UGGT1: variants seen among roughly 807,000 people sequenced by gnomAD.
UGGT1 encodes UDP-glucose glycoprotein glucosyltransferase 1.
Under a neutral mutation model 203.9 loss-of-function variants are expected in UGGT1, and 107 were observed. The ratio of observed to expected loss-of-function variants is 0.52; its 90% confidence interval spans 0.45 to 0.62. The LOEUF (loss-of-function observed/expected upper bound fraction) is 0.62. Among genes scored for constraint, UGGT1 ranks in the 20% least tolerant of loss-of-function variants. The probability of loss-of-function intolerance (pLI) is 0.00; values close to 1 mark genes in which losing one functional copy is unlikely to be tolerated. For synonymous variants in UGGT1, 628 were observed against 653.5 expected (o/e 0.96, Z 0.59); for missense variants, 1,673 against 1,867.2 (o/e 0.90, Z 1.92).
intron 1 of UGGT1, among the ~76,000 whole-genome samples, chr2:128,094,856 C>G (rs1354080019): frequency 1.3e-5 from 2 of 149,642 alleles, no homozygotes; most frequent in East Asian, 4.0e-4. Context: ...TCAAGCGATT[C>G]TCCTGCCTCA....
chr2:128,117,896 C>T (rs1688194141), intron 8 of UGGT1, among the ~76,000 whole-genome samples: 1 of 151,688 alleles, frequency 6.6e-6, no homozygotes, highest in Admixed American at 6.6e-5. Flanking sequence ...TTATTTCCCT[C>T]ATGGCTTGAT....
chr2:128,150,352 CTTGAGGATTGA>C (rs1402103245), intron 18 of UGGT1, among the ~76,000 whole-genome samples: 2 of 152,156 alleles, frequency 1.3e-5, no homozygotes, highest in Non-Finnish European at 2.9e-5. Flanking sequence ...AGGAGGGTTG[CTTGAGGATTGA>C]GGCTGTAGTG....
intron 35 of UGGT1, 86 bp from the exon 36 acceptor site, chr2:128,180,804 C>T (rs773804109): frequency 4.9e-5 from 67 of 1,354,178 alleles, no homozygotes; most frequent in African/African-American, 2.9e-5. Context: ...TTATTTGTCC[C>T]GTATCATGGT....
At chr2:128,168,724 A>G (rs530001864) in intron 26 of UGGT1, among the ~76,000 whole-genome samples, 2 of 152,308 alleles carry the variant, frequency 1.3e-5, no homozygotes, top group South Asian at 2.1e-4. Context: ...CAGGGAGTCC[A>G]TGCAACAGGA....
intron 38 of UGGT1, among the ~76,000 whole-genome samples, chr2:128,186,284 G>A (rs1691978844): frequency 6.6e-6 from 1 of 152,206 alleles, no homozygotes; most frequent in South Asian, 2.1e-4. Flanking sequence ...ACGAGCAGCT[G>A]TACATCACTG....
At chr2:128,126,485 A>T (rs901525727) in intron 11 of UGGT1, among the ~76,000 whole-genome samples, 1 of 151,264 alleles carries the variant, frequency 6.6e-6, no homozygotes, top group Non-Finnish European at 1.5e-5. Flanking sequence ...CAGGTAATCC[A>T]CCCGCCTCGG....
At chr2:128,111,502 T>A (rs1687847421) in intron 5 of UGGT1, among the ~76,000 whole-genome samples, 1 of 152,098 alleles carries the variant, frequency 6.6e-6, no homozygotes, top group South Asian at 2.1e-4. Context: ...TTTATTTATT[T>A]ATTTATTATT....
At chr2:128,094,445 T>G (rs557152244) in intron 1 of UGGT1, among the ~76,000 whole-genome samples, 1 of 152,310 alleles carries the variant, frequency 6.6e-6, no homozygotes, top group East Asian at 1.9e-4. Context: ...ACTTGGCACT[T>G]TACAAAGTGA....
intron 13 of UGGT1, among the ~76,000 whole-genome samples, chr2:128,131,233 CAAAAAA>C (rs59665322): frequency 2.3e-4 from 18 of 78,544 alleles, no homozygotes; most frequent in Middle Eastern, 7.5e-3. Context: ...ACTCTTGTCT[CAAAAAA>C]AAAAAAAAAA....
chr2:128,100,848 T>C (rs1687346962), intron 2 of UGGT1, among the ~76,000 whole-genome samples: 1 of 152,208 alleles, frequency 6.6e-6, no homozygotes, highest in Non-Finnish European at 1.5e-5. Flanking sequence ...CTATGGACTT[T>C]TGAGAAAGAA....
intron 11 of UGGT1, among the ~76,000 whole-genome samples, chr2:128,125,943 T>C (rs1194250472): frequency 1.6e-5 from 1 of 63,290 alleles, no homozygotes; most frequent in African/African-American, 4.4e-5. Context: ...AAATATATAC[T>C]TTTTTTTTTT....
chr2:128,150,043 C>T (rs1174552468), intron 18 of UGGT1, among the ~76,000 whole-genome samples: 1 of 152,206 alleles, frequency 6.6e-6, no homozygotes, highest in African/African-American at 2.4e-5. Context: ...TCACTAGTTA[C>T]AGACAGTGCT....
At chr2:128,126,225 A>G (rs544563290) in intron 11 of UGGT1, among the ~76,000 whole-genome samples, 1 of 151,826 alleles carries the variant, frequency 6.6e-6, no homozygotes, top group South Asian at 2.1e-4. Context: ...TACAGGCATG[A>G]ACCATCATGC....
intron 38 of UGGT1, among the ~76,000 whole-genome samples, chr2:128,186,452 C>T (rs1304483910): frequency 2.0e-5 from 3 of 151,966 alleles, no homozygotes; most frequent in African/African-American, 7.3e-5. Context: ...AGTAAAAATA[C>T]AAAAATTGGC....
rs551061176 is a variant in UGGT1, at chr2:128,143,209, A to G, written c.1835A>G (p.Tyr612Cys). 2 of 1,613,742 alleles carry G rather than the reference A, an allele frequency of 1.2e-6. No homozygotes were observed. Among genetic ancestry groups the G allele is most frequent in the Non-Finnish European group, 1.7e-6 (2 of 1,179,848 alleles). Residue 612 changes from tyrosine (Y) to cysteine (C), a missense_variant, in exon 17 of 41, where the codon TAT becomes TGT. This residue lies in a region of UGGT1 where 1,073 missense variants were observed against 1,078.7 expected (regional missense o/e 0.99). Coordinates refer to ENST00000259253, the MANE Select transcript of UGGT1 (RefSeq NM_020120.4). ...VNSILGIDSA[Y>C]DRNRKEARGY... ...AGCATTTTGGGGATTGATTCTGCTT[A>G]TGATCGGAATCGGAAGGTAAAAAAT...
rs1355220393 is a variant in UGGT1 at position 128,186,939 on chromosome 2, G to A, written c.4476+140G>A. 59 of 627,718 alleles carry A rather than the reference G, an allele frequency of 9.4e-5. 2 individuals are homozygous for A. The South Asian group carries it at 1.4e-3, about 15-fold the overall frequency. The allele number at this position is 627,718 out of a possible 1,614,324, so 38.9% of individuals were successfully genotyped here. Reference sequence around the variant, plus strand: ...GACTTTCTCTGTAATTGTGTAGTTTGTCGGGGCTATTCTTATCTTACAGAA... The same window carrying A: ...GACTTTCTCTGTAATTGTGTAGTTTATCGGGGCTATTCTTATCTTACAGAA... On this transcript the variant is annotated intron_variant, in intron 39 of 40. Coordinates refer to ENST00000259253, the MANE Select transcript of UGGT1 (RefSeq NM_020120.4).
In UGGT1 at chr2:128,180,988, T is replaced by C; in HGVS notation, c.3999T>C (p.Arg1333=). The C allele has an allele frequency of 6.2e-7, 1 of 1,614,188 alleles. No homozygotes were observed. Among genetic ancestry groups the C allele is most frequent in the Non-Finnish European group, 8.5e-7 (1 of 1,180,022 alleles). ...RWLHQQTEKQ[R]IIWGYKILFL... is the part of the protein sequence containing the mutation. ...TTCATCAACAAACTGAAAAACAGCG[T>C]ATCATCTGGGGTTACAAGATCCTCT... is the stretch of plus-strand genomic sequence containing the variant. The change falls in exon 36 of 41, where the codon CGT becomes CGC. Residue 1333 remains arginine (R), a synonymous_variant. Coordinates refer to ENST00000259253, the MANE Select transcript of UGGT1 (RefSeq NM_020120.4).
At chr2:128,183,020 A>C (rs1022908604) in intron 37 of UGGT1, among the ~76,000 whole-genome samples, 2 of 149,056 alleles carry the variant, frequency 1.3e-5, no homozygotes, top group Non-Finnish European at 3.0e-5. Context: ...TGTTATTTAT[A>C]GTTTTCCCTG....
chr2:128,140,722 G>T (rs1262973736), intron 16 of UGGT1, among the ~76,000 whole-genome samples: 2 of 152,088 alleles, frequency 1.3e-5, no homozygotes, highest in Non-Finnish European at 2.9e-5. Flanking sequence ...TGTTGCCCAG[G>T]CTGGATTGCA....
Sources: allele counts gnomAD v4.1 joint callset (sites outside exome capture counted in the v4.1 genomes callset), GRCh38; gene constraint gnomAD v4.1.1; regional missense constraint gnomAD v4.1.1; transcripts MANE v1.5; gene names NCBI Gene and HGNC (gene_info 2026-07-23, HGNC 2026-07-21).